The following PCM1 variants were observed in gnomAD, a reference collection of about 807,000 sequenced individuals.
PCM1 encodes pericentriolar material 1 protein.
A neutral mutation model predicts 241.9 loss-of-function variants in PCM1; 157 were observed. The observed-to-expected ratio is 0.65, with a 90% confidence interval of 0.57 to 0.74. The LOEUF is 0.74. Among genes scored for constraint, PCM1 ranks in the 30% least tolerant of loss-of-function variants. PCM1 has a pLI of 0.00. For missense variants in PCM1, 3,478 were observed against 2,360.1 expected (o/e 1.47, Z -9.81); for synonymous variants, 1,085 against 784.9 (o/e 1.38, Z -6.39).
chr8:17,991,607 G>A lies in PCM1; in HGVS notation c.4597G>A (p.Glu1533Lys), dbSNP rs2084657894. ...RMREYERMKT[E>K]AESNSNMRCT... ...GAGAGAATATGAGCGTATGAAGACTGAGGCTGAAAGTAACTCAAATATGAG... is the reference window on the plus strand; with the variant it reads ...GAGAGAATATGAGCGTATGAAGACTAAGGCTGAAAGTAACTCAAATATGAG... Residue 1533 changes from glutamate (E) to lysine (K), a missense_variant, in exon 28 of 39, where the codon GAG (glutamate) becomes AAG (lysine). By Grantham distance (56) the Glu-to-Lys change is moderately conservative. Coordinates refer to ENST00000325083, the MANE Select transcript of PCM1 (RefSeq NM_006197.4). The A allele has an allele frequency of 1.3e-6, 2 of 1,590,712 alleles. No homozygotes were observed. The highest frequency in any genetic ancestry group is 1.7e-6 in the Non-Finnish European group (2 of 1,167,704).
At chr8:18,009,935 A>T (rs906991683) in intron 31 of PCM1, among the ~76,000 whole-genome samples, 191 bp downstream of exon 31, 6 of 152,208 alleles carry the variant, frequency 3.9e-5, no homozygotes, top group African/African-American at 1.4e-4. Flanking sequence ...GTTGCTAAAG[A>T]TCAGGAATGC....
At chr8:17,936,424 C>G (rs925772505) in intron 3 of PCM1, among the ~76,000 whole-genome samples, 4 of 152,152 alleles carry the variant, frequency 2.6e-5, no homozygotes, top group African/African-American at 9.7e-5. Flanking sequence ...TGGGAATTTA[C>G]AGACCTTTTT....
chr8:18,005,989 A>G (rs564497007), intron 29 of PCM1: 8 of 306,454 alleles, frequency 2.6e-5, no homozygotes, highest in Non-Finnish European at 4.8e-5. Context: ...ACAGAAAAGT[A>G]CAGAAAGAAA....
chr8:17,962,909 A>G (rs1328337673), intron 16 of PCM1, 192 bp from the exon 17 acceptor site: 4 of 467,506 alleles, frequency 8.6e-6, no homozygotes, highest in African/African-American at 6.2e-5. Flanking sequence ...TCTCAAAAAA[A>G]AAAAAAAATT....
intron 26 of PCM1, among the ~76,000 whole-genome samples, chr8:17,989,629 A>G (rs2083806777): frequency 6.6e-6 from 1 of 152,018 alleles, no homozygotes; most frequent in African/African-American, 2.4e-5. Flanking sequence ...GTGTTTATCT[A>G]CATAATAAAT....
chr8:17,930,561 G>C (rs2058669739), intron 2 of PCM1, among the ~76,000 whole-genome samples: 1 of 152,082 alleles, frequency 6.6e-6, no homozygotes, highest in Admixed American at 6.5e-5. Flanking sequence ...TCTTATGAGG[G>C]AGATACTTAG....
intron 7 of PCM1, 114 bp from the exon 8 acceptor site, chr8:17,950,501 A>G (rs899802996): frequency 4.9e-6 from 3 of 614,550 alleles, no homozygotes; most frequent in African/African-American, 3.8e-5. Flanking sequence ...ACTAGTTTCA[A>G]GTTACGTATG....
intron 2 of PCM1, chr8:17,934,994 A>G (rs1274151917): frequency 1.3e-5 from 2 of 152,250 alleles, no homozygotes; most frequent in Non-Finnish European, 2.9e-5. Context: ...GGTAGTAAGC[A>G]TCACTATTCT....
chr8:17,943,881 C>G (rs898876526), intron 6 of PCM1, among the ~76,000 whole-genome samples: 1 of 152,026 alleles, frequency 6.6e-6, no homozygotes, highest in Non-Finnish European at 1.5e-5. Context: ...GTCTTACATG[C>G]GATTCAAGGT....
intron 24 of PCM1, chr8:17,983,211 T>A (rs919446443): frequency 4.6e-6 from 6 of 1,293,416 alleles, no homozygotes; most frequent in Non-Finnish European, 6.1e-6. Context: ...ATGTTCATCC[T>A]TATGTCTGCC....
rs753008446 is a variant in PCM1, at chr8:17,962,080, C to T, written c.2369C>T (p.Pro790Leu). The stretch of plus-strand genomic sequence containing the variant: ...AACTGTCCCACCAAAAAATATATGC[C>T]AGCTGTTACTTCAACCCCAACTGTT... ...VGNCPTKKYM[P>L]AVTSTPTVNQ... The change falls in exon 16 of 39, where the codon CCA becomes CTA. Residue 790 changes from proline to leucine, a missense_variant. By Grantham distance (98) the Pro-to-Leu change is moderately conservative. Transcript: ENST00000325083. 1.1e-5 allele frequency: 17 copies of T among 1,611,602 alleles called. No individual in the cohort carries two copies. Among genetic ancestry groups the T allele is most frequent in the Non-Finnish European group, 1.4e-5 (17 of 1,178,528 alleles).
chr8:17,979,130 AAAG>A (rs1471519842), intron 23 of PCM1, among the ~76,000 whole-genome samples: 2 of 149,872 alleles, frequency 1.3e-5, no homozygotes, highest in South Asian at 2.1e-4. Flanking sequence ...TCTCAAAAGA[AAAG>A]AAAAAAAAAA....
intron 6 of PCM1, among the ~76,000 whole-genome samples, chr8:17,942,074 G>GT: frequency 6.6e-6 from 1 of 152,028 alleles, no homozygotes; most frequent in South Asian, 2.1e-4. Flanking sequence ...ATTAACAAAG[G>GT]TTTTGAAATG....
intron 6 of PCM1, among the ~76,000 whole-genome samples, chr8:17,946,827 T>G (rs2063946910): frequency 7.4e-6 from 1 of 134,600 alleles, no homozygotes; most frequent in Non-Finnish European, 1.5e-5. Flanking sequence ...GGGCCTAGAT[T>G]CTTCAGTGTG....
At chr8:17,966,547 G>T in intron 20 of PCM1, 74 bp downstream of exon 20, 2 of 1,365,622 alleles carry the variant, frequency 1.5e-6, no homozygotes, top group Non-Finnish European at 2.0e-6. Flanking sequence ...TTAGCTTCTG[G>T]GAGAAAAGAG....
intron 8 of PCM1, among the ~76,000 whole-genome samples, chr8:17,951,443 C>T (rs997104541): frequency 1.3e-5 from 2 of 152,122 alleles, no homozygotes; most frequent in African/African-American, 4.8e-5. Flanking sequence ...CTCACATGTT[C>T]AGAAGGAGGT....
chr8:17,949,564 C>G (rs2065207240), intron 7 of PCM1, among the ~76,000 whole-genome samples: 1 of 145,008 alleles, frequency 6.9e-6, no homozygotes, highest in African/African-American at 2.6e-5. Flanking sequence ...TGGGCGTGAT[C>G]TTGGCTCACT....
At chr8:17,983,413 A>C (rs905462941) in intron 24 of PCM1, 1 of 332,262 alleles carries the variant, frequency 3.0e-6, no homozygotes, top group Non-Finnish European at 5.7e-6. Context: ...TTATGTGACT[A>C]TTGTAAAAGA....
rs776335219 is a variant in PCM1, at chr8:17,957,703, A to G, written c.1968A>G (p.Glu656=). Residue 656 remains glutamate (E), a synonymous_variant, in exon 13 of 39, where the codon GAA becomes GAG. Transcript: ENST00000325083. ...AGCATCCAGAAGATGCTGAATTTGA[A>G]CAGAAGATCAACCGACTTATGGCTG... ...VDEHPEDAEF[E]QKINRLMAAK... The G allele has an allele frequency of 6.2e-7, 1 of 1,613,238 alleles. No individual in the cohort carries two copies. Among genetic ancestry groups the G allele is most frequent in the South Asian group, 1.1e-5 (1 of 90,984 alleles).
Sources: gnomAD v4.1 joint callset for allele counts (sites outside exome capture counted in the v4.1 genomes callset) on GRCh38, gnomAD v4.1.1 for gene constraint, MANE v1.5 for transcripts, NCBI Gene and HGNC (gene_info 2026-07-23, HGNC 2026-07-21) for gene names.